PPP2R5E: variants seen among roughly 807,000 people sequenced by gnomAD.
PPP2R5E encodes serine/threonine-protein phosphatase 2A 56 kDa regulatory subunit epsilon isoform.
Under a neutral mutation model 65.3 loss-of-function variants are expected in PPP2R5E, and 4 were observed. The observed-to-expected ratio is 0.06, with a 90% confidence interval of 0.03 to 0.14. The LOEUF (loss-of-function observed/expected upper bound fraction) is 0.14, where lower values mean the gene tolerates loss of function less well. PPP2R5E is among the 10% of genes least tolerant of loss of function. PPP2R5E has a pLI of 1.00. For missense variants in PPP2R5E, 274 were observed against 556.1 expected (o/e 0.49, Z 5.10); for synonymous variants, 183 against 187.4 (o/e 0.98, Z 0.19).
chr14:63,453,636 G>A, intron 3 of PPP2R5E, 53 bp downstream of exon 3: 2 of 1,549,520 alleles, frequency 1.3e-6, no homozygotes, highest in Non-Finnish European at 1.8e-6. Flanking sequence ...ATACACCTGT[G>A]AGTCACTATG....
chr14:63,391,394 A>AGTTTTGCTTT (rs1357610190), intron 10 of PPP2R5E, among the ~76,000 whole-genome samples: 1 of 148,994 alleles, frequency 6.7e-6, no homozygotes, highest in Admixed American at 6.7e-5. Context: ...GAGATGATGC[A>AGTTTTGCTTT]GTTTTGCTTT....
chr14:63,541,468 C>T (rs900369535), intron 1 of PPP2R5E, among the ~76,000 whole-genome samples: 1 of 152,190 alleles, frequency 6.6e-6, no homozygotes, highest in Non-Finnish European at 1.5e-5. Flanking sequence ...AAAATGAAGG[C>T]TATTTCCTGA....
chr14:63,454,187 A>G (rs911643925), intron 2 of PPP2R5E, among the ~76,000 whole-genome samples: 8 of 152,224 alleles, frequency 5.3e-5, no homozygotes, highest in Non-Finnish European at 8.8e-5. Flanking sequence ...AAACACCCCA[A>G]TGTCAATACC....
intron 7 of PPP2R5E, among the ~76,000 whole-genome samples, chr14:63,394,866 T>C (rs986757374): frequency 6.6e-6 from 1 of 152,186 alleles, no homozygotes. Flanking sequence ...TCTTTCCAAT[T>C]TATTATAAAC....
chr14:63,427,403 TA>T (rs930559979), intron 3 of PPP2R5E, among the ~76,000 whole-genome samples: 52 of 146,118 alleles, frequency 3.6e-4, no homozygotes, highest in Middle Eastern at 3.5e-3. Flanking sequence ...CAGTGCAAAG[TA>T]AAAAAAAAAA....
chr14:63,424,957 C>T (rs28583743), intron 3 of PPP2R5E, among the ~76,000 whole-genome samples: 3 of 151,990 alleles, frequency 2.0e-5, no homozygotes, highest in African/African-American at 7.2e-5. Flanking sequence ...AGCATAGAGC[C>T]GTATCTATTG....
At chr14:63,469,977 A>C (rs1266949241) in intron 2 of PPP2R5E, among the ~76,000 whole-genome samples, 1 of 152,238 alleles carries the variant, frequency 6.6e-6, no homozygotes, top group Non-Finnish European at 1.5e-5. Context: ...AAAATGAAAT[A>C]CTTCCTCCTC....
chr14:63,503,615 A>G (rs979048103), intron 2 of PPP2R5E, among the ~76,000 whole-genome samples: 3 of 152,268 alleles, frequency 2.0e-5, no homozygotes, highest in Non-Finnish European at 4.4e-5. Context: ...TAACACTGCA[A>G]GGAAGACAGT....
At chr14:63,525,982 A>C (rs1893170028) in intron 2 of PPP2R5E, among the ~76,000 whole-genome samples, 1 of 151,896 alleles carries the variant, frequency 6.6e-6, no homozygotes, top group Admixed American at 6.6e-5. Context: ...TCAGCCTCCC[A>C]AGTAGCTGAG....
chr14:63,474,500 G>A (rs933521073), intron 2 of PPP2R5E, among the ~76,000 whole-genome samples: 1 of 151,810 alleles, frequency 6.6e-6, no homozygotes, highest in African/African-American at 2.4e-5. Flanking sequence ...AAAAGAGTGA[G>A]GTGGAGATAG....
intron 2 of PPP2R5E, among the ~76,000 whole-genome samples, chr14:63,534,479 G>A (rs937444612): frequency 6.6e-6 from 1 of 152,034 alleles, no homozygotes; most frequent in Non-Finnish European, 1.5e-5. Flanking sequence ...GGCCAGGCTG[G>A]TCTCAAACTC....
chr14:63,529,266 ATTTT>A (rs944143564), intron 2 of PPP2R5E, among the ~76,000 whole-genome samples: 6 of 146,274 alleles, frequency 4.1e-5, no homozygotes, highest in Non-Finnish European at 7.5e-5. Context: ...GCCAAAGACT[ATTTT>A]TTTTTCTTTT....
intron 2 of PPP2R5E, among the ~76,000 whole-genome samples, chr14:63,521,957 C>G (rs1892925382): frequency 7.4e-6 from 1 of 134,700 alleles, no homozygotes; most frequent in South Asian, 2.5e-4. Flanking sequence ...CTCCCCCTCC[C>G]CCTCCCCCTC....
At chr14:63,499,641 C>T (rs1051453489) in intron 2 of PPP2R5E, among the ~76,000 whole-genome samples, 1 of 151,888 alleles carries the variant, frequency 6.6e-6, no homozygotes, top group African/African-American at 2.4e-5. Context: ...GCAGGAGAAT[C>T]ACTTGGACCT....
rs147085774 is a variant in PPP2R5E at position 63,401,635 on chromosome 14, T to C, written c.550-4919A>G. Among the ~76,000 whole-genome samples, 28 of 152,220 alleles carry C rather than the reference T, an allele frequency of 1.8e-4. No homozygotes were observed. In the East Asian group the frequency reaches 5.0e-3, roughly 27 times the overall value. ...AGGGTCTTCCAGCTAGGCAGGGGGATTGAACCTCTCTCCTCTTGAATCCTC... is the reference window on the plus strand; with the variant it reads ...AGGGTCTTCCAGCTAGGCAGGGGGACTGAACCTCTCTCCTCTTGAATCCTC... On this transcript the variant is annotated intron_variant, in intron 5 of 13. Transcript: ENST00000337537.
intron 2 of PPP2R5E, among the ~76,000 whole-genome samples, chr14:63,514,675 G>A (rs1042848260): frequency 1.3e-5 from 2 of 152,082 alleles, no homozygotes; most frequent in African/African-American, 2.4e-5. Flanking sequence ...TCTAAGCAGC[G>A]AAGATGAGAG....
chr14:63,378,122 C>T (rs1884096440), intron 13 of PPP2R5E, among the ~76,000 whole-genome samples: 1 of 152,138 alleles, frequency 6.6e-6, no homozygotes. Context: ...AGGTCTAAAT[C>T]AATGTTAGCA....
In PPP2R5E at chr14:63,396,575, A is replaced by G; in HGVS notation, c.680+11T>C. 6.2e-7 allele frequency: 1 copy of G among 1,610,470 alleles called. No individual in the cohort carries two copies. ...TTGCTTCTCCTTCTTCCCCCATCAC[A>G]CTCCACTTACCTTAGAAAAATATTG... On this transcript the variant is annotated intron_variant, in intron 6 of 13. Transcript: ENST00000337537.
intron 6 of PPP2R5E, 57 bp from the exon 7 acceptor site, chr14:63,395,342 G>C: frequency 9.0e-7 from 1 of 1,117,314 alleles, no homozygotes; most frequent in Non-Finnish European, 1.3e-6. Flanking sequence ...AGAAGGAAGG[G>C]ATAAAAAGAG....
Sources: allele counts gnomAD v4.1 joint callset (sites outside exome capture counted in the v4.1 genomes callset), GRCh38; gene constraint gnomAD v4.1.1; transcripts MANE v1.5; gene names NCBI Gene and HGNC (gene_info 2026-07-23, HGNC 2026-07-21).